The following TIRAP variants were observed in gnomAD, a reference collection of about 807,000 sequenced individuals.
TIRAP encodes the protein TIR domain containing adaptor protein, also known as toll/interleukin-1 receptor domain-containing adapter protein.
Under a neutral mutation model 19.8 loss-of-function variants are expected in TIRAP, and 20 were observed. The ratio of observed to expected loss-of-function variants is 1.01; its 90% confidence interval spans 0.71 to 1.47. The LOEUF (loss-of-function observed/expected upper bound fraction) is 1.47, where lower values mean the gene tolerates loss of function less well. TIRAP is among the 40% of genes most tolerant of loss of function. TIRAP has a pLI of 0.00. For missense variants in TIRAP, 276 were observed against 285.1 expected (o/e 0.97, Z 0.23); for synonymous variants, 125 against 121.7 (o/e 1.03, Z -0.18).
At chr11:126,284,583 C>T (rs1455737353) in intron 1 of TIRAP, among the ~76,000 whole-genome samples, 2 of 152,026 alleles carry the variant, frequency 1.3e-5, no homozygotes, top group Admixed American at 6.6e-5. Flanking sequence ...AGGCGGGGAA[C>T]AGTGGCTCAC....
intron 1 of TIRAP, among the ~76,000 whole-genome samples, chr11:126,286,644 T>C (rs1951325776): frequency 1.3e-5 from 2 of 152,234 alleles, no homozygotes; most frequent in Admixed American, 6.5e-5. Flanking sequence ...GGTAATTTAT[T>C]TATTTAAAGA....
In TIRAP at chr11:126,293,190, C is replaced by T. The variant is rs1040846315; in HGVS notation, c.646+135C>T. The T allele has an allele frequency of 3.3e-6, 5 of 1,500,440 alleles. No individual in the cohort carries two copies. In the African/African-American group the frequency reaches 6.9e-5, roughly 21 times the overall value. 92.9% of individuals were successfully genotyped at this position (1,500,440 alleles called of 1,614,324 possible). A position where few individuals can be genotyped will look rare whatever the true frequency, so the allele number is the denominator to read the frequency against. On this transcript the variant is annotated intron_variant, in intron 4 of 4. Transcript: ENST00000392679. Reference sequence around the variant, plus strand: ...GGAAAAGGCTGTCGGGGTTTGTATCCTGGCTCCTGCACTTATTAACCCATA... The same window carrying T: ...GGAAAAGGCTGTCGGGGTTTGTATCTTGGCTCCTGCACTTATTAACCCATA...
In TIRAP at chr11:126,294,862, G is replaced by A. The variant is rs1413206037; in HGVS notation, c.*1175G>A. On this transcript the variant is annotated 3_prime_UTR_variant, in exon 5 of 5. Coordinates refer to ENST00000392679, the MANE Select transcript of TIRAP (RefSeq NM_001318777.2). ...TGTAATCTCAGCACTTTGGGAGGCC[G>A]AGGCAGGTGGATCACCTGAGGTCAG... 1.3e-5 allele frequency: 3 copies of A among 230,746 alleles called. No homozygotes were observed. The highest frequency in any genetic ancestry group is 5.0e-5 in the South Asian group (1 of 19,926). 14.3% of individuals were successfully genotyped at this position (230,746 alleles called of 1,614,324 possible).
At chr11:126,285,445 A>G (rs8177356) in intron 1 of TIRAP, among the ~76,000 whole-genome samples, 16,673 of 150,972 alleles carry the variant, frequency 0.11, 1,211 homozygotes, top group Non-Finnish European at 0.16. Context: ...TATTTTTAGT[A>G]GAGATGGGGT....
rs755084660 is a variant in TIRAP at position 126,292,781 on chromosome 11, C to G, written c.372C>G (p.Thr124=). ...GCTTCCTGCAACTCCGGGATGCAACCCCAGGCGGCGCTATAGTGTCCGAGC... is the reference window on the plus strand; with the variant it reads ...GCTTCCTGCAACTCCGGGATGCAACGCCAGGCGGCGCTATAGTGTCCGAGC... ...LRCFLQLRDA[T]PGGAIVSELC... Residue 124 remains threonine (T), a synonymous_variant, in exon 4 of 5, where the codon ACC becomes ACG. Coordinates refer to ENST00000392679, the MANE Select transcript of TIRAP (RefSeq NM_001318777.2). 6.8e-6 allele frequency: 11 copies of G among 1,613,096 alleles called. No homozygotes were observed. In the Middle Eastern group the frequency reaches 6.6e-4, roughly 97 times the overall value.
At position 126,292,870 on chromosome 11, in the gene TIRAP, A is replaced by G. The variant is rs1951420036; in HGVS notation, c.461A>G (p.Asp154Gly). 1 of 1,613,090 alleles carries G rather than the reference A, an allele frequency of 6.2e-7. No individual in the cohort carries two copies. Among genetic ancestry groups the G allele is most frequent in the African/African-American group, 1.3e-5 (1 of 74,832 alleles). Residue 154 changes from aspartate (D) to glycine (G), a missense_variant, in exon 4 of 5, where the codon GAC (aspartate) becomes GGC (glycine). Coordinates refer to ENST00000392679, the MANE Select transcript of TIRAP (RefSeq NM_001318777.2). ...CTCATCACGCCGGGCTTCCTTCAGGACCCCTGGTGCAAGTACCAGATGCTG... is the reference window on the plus strand; with the variant it reads ...CTCATCACGCCGGGCTTCCTTCAGGGCCCCTGGTGCAAGTACCAGATGCTG... ...VLLITPGFLQ[D>G]PWCKYQMLQA...
chr11:126,290,429 C>T lies in TIRAP; in HGVS notation c.-216-33C>T. Reference sequence around the variant, plus strand: ...CTATCTGGATACATAATTATTTGTCCAAATAGCAACTGTCCTTCTTCTGCC... The same window carrying T: ...CTATCTGGATACATAATTATTTGTCTAAATAGCAACTGTCCTTCTTCTGCC... On this transcript the variant is annotated intron_variant, in intron 1 of 4. Transcript: ENST00000392679. This position sits in a 1 kb window ranked among gnomAD's most constrained non-coding sequence, Gnocchi z 4.9. 1 of 988,958 alleles carries T rather than the reference C, an allele frequency of 1.0e-6. No homozygotes were observed. Among genetic ancestry groups the T allele is most frequent in the South Asian group, 4.6e-5 (1 of 21,596 alleles). The allele number at this position is 988,958 out of a possible 1,614,324, so 61.3% of individuals were successfully genotyped here. A position where few individuals can be genotyped will look rare whatever the true frequency, so the allele number is the denominator to read the frequency against.
In TIRAP at chr11:126,294,715, C is replaced by A; in HGVS notation, c.*1028C>A. The A allele has an allele frequency of 3.1e-6, 1 of 323,614 alleles. No individual in the cohort carries two copies. Among genetic ancestry groups the A allele is most frequent in the Non-Finnish European group, 6.2e-6 (1 of 161,842 alleles). 20.0% of individuals were successfully genotyped at this position (323,614 alleles called of 1,614,324 possible). A position where few individuals can be genotyped will look rare whatever the true frequency, so the allele number is the denominator to read the frequency against. On this transcript the variant is annotated 3_prime_UTR_variant, in exon 5 of 5. Coordinates refer to ENST00000392679, the MANE Select transcript of TIRAP (RefSeq NM_001318777.2). ...ACTTTTGTGCCCCCCTCTCACTTCT[C>A]CCTATCATGACCCCTCTTTTGCTGA...
At chr11:126,293,308 T>C (rs1951431527) in intron 4 of TIRAP, 1 of 739,428 alleles carries the variant, frequency 1.4e-6, no homozygotes, top group Middle Eastern at 2.3e-4. Context: ...GAACAGTATA[T>C]ACACGAAGGG....
At chr11:126,293,285 T>C in intron 4 of TIRAP, 2 of 779,170 alleles carry the variant, frequency 2.6e-6, no homozygotes, top group Non-Finnish European at 2.2e-6. Flanking sequence ...AGGTTTCCAT[T>C]GCTATGAAAT....
chr11:126,286,031 G>GT (rs1951317982), intron 1 of TIRAP, among the ~76,000 whole-genome samples: 1 of 142,834 alleles, frequency 7.0e-6, no homozygotes, highest in African/African-American at 2.6e-5. Context: ...TCCAGCCTGG[G>GT]TGACAGAGCA....
Position 126,291,054 on chromosome 11 carries a change from CAG to C in TIRAP, c.67+99_67+100del. 1.4e-6 allele frequency: 2 copies of C among 1,425,614 alleles called. No individual in the cohort carries two copies. Among genetic ancestry groups the C allele is most frequent in the Non-Finnish European group, 1.9e-6 (2 of 1,060,314 alleles). The allele number at this position is 1,425,614 out of a possible 1,614,324, so 88.3% of individuals were successfully genotyped here. A position where few individuals can be genotyped will look rare whatever the true frequency, so the allele number is the denominator to read the frequency against. On this transcript the variant is annotated intron_variant, in intron 3 of 4. Coordinates refer to ENST00000392679, the MANE Select transcript of TIRAP (RefSeq NM_001318777.2). This position sits in a 1 kb window ranked among gnomAD's most constrained non-coding sequence, Gnocchi z 5.6. ...GTGGGAGGCCTGCCTGGTCCAAACT[CAG>C]AGAGACGCAGGAAGGCTGACGTGGG...
chr11:126,285,115 C>T (rs1289482454), intron 1 of TIRAP, among the ~76,000 whole-genome samples: 3 of 151,744 alleles, frequency 2.0e-5, no homozygotes, highest in Non-Finnish European at 2.9e-5. Flanking sequence ...GTCTATTGCT[C>T]ATTTGAATAT....
At chr11:126,293,129 C>T in intron 4 of TIRAP, 74 bp downstream of exon 4, 1 of 1,604,690 alleles carries the variant, frequency 6.2e-7, no homozygotes, top group Non-Finnish European at 8.5e-7. Context: ...TTTTAGGAGA[C>T]AGCCCTGTAG....
Position 126,290,997 on chromosome 11 carries a change from C to A in TIRAP, c.67+36C>A. The A allele has an allele frequency of 6.3e-7, 1 of 1,585,168 alleles. No homozygotes were observed. Among genetic ancestry groups the A allele is most frequent in the Non-Finnish European group, 8.6e-7 (1 of 1,164,334 alleles). On this transcript the variant is annotated intron_variant, in intron 3 of 4. Transcript: ENST00000392679. This position sits in a 1 kb window ranked among gnomAD's most constrained non-coding sequence, Gnocchi z 4.9. ...CCGGACTCGCGACTCTGCTGTGTTC[C>A]TGAGTGTAGTGCTCAGCCTCCATAG...
chr11:126,289,284 A>AT (rs576655628), intron 1 of TIRAP, among the ~76,000 whole-genome samples: 95 of 152,166 alleles, frequency 6.2e-4, no homozygotes, highest in African/African-American at 2.1e-3. Context: ...ACATTCTTTA[A>AT]TTTTTTTTAT....
In TIRAP at chr11:126,283,337, G is replaced by A. The variant is rs1044915914; in HGVS notation, c.-217+184G>A. ...ATCCGCTTCCCTTCTTCACCTTTCT[G>A]GCACCCGCAACACGCAAGCGGCATG... On this transcript the variant is annotated intron_variant, in intron 1 of 4. Transcript: ENST00000392679. Among the ~76,000 whole-genome samples the A allele has an allele frequency of 3.9e-5, 6 of 152,102 alleles. 1 individual carries two copies. The South Asian group carries it at 1.0e-3, about 26-fold the overall frequency.
Position 126,293,935 on chromosome 11 carries a change from A to C in TIRAP, c.*248A>C. 2 of 554,988 alleles carry C rather than the reference A, an allele frequency of 3.6e-6. No individual in the cohort carries two copies. The highest frequency in any genetic ancestry group is 2.1e-5 in the South Asian group (1 of 48,422). 34.4% of individuals were successfully genotyped at this position (554,988 alleles called of 1,614,324 possible). A position where few individuals can be genotyped will look rare whatever the true frequency, so the allele number is the denominator to read the frequency against. The stretch of plus-strand genomic sequence containing the variant: ...GGGGATTCCCCCTAGGAAAGCCATG[A>C]GGAAGCTGGGGACTCCCCAAGAAGG... On this transcript the variant is annotated 3_prime_UTR_variant, in exon 5 of 5. Transcript: ENST00000392679.
chr11:126,294,914 G>C lies in TIRAP; in HGVS notation c.*1227G>C, dbSNP rs960557731. 8 of 173,854 alleles carry C rather than the reference G, an allele frequency of 4.6e-5. No homozygotes were observed. The East Asian group carries it at 1.3e-3, about 28-fold the overall frequency. The allele number at this position is 173,854 out of a possible 1,614,324, so 10.8% of individuals were successfully genotyped here. Reference sequence around the variant, plus strand: ...AGTTCAAGACTAGCCTGGCCAATATGGTGAAACCCTGTCTCTACTAAAAAA... The same window carrying C: ...AGTTCAAGACTAGCCTGGCCAATATCGTGAAACCCTGTCTCTACTAAAAAA... On this transcript the variant is annotated 3_prime_UTR_variant, in exon 5 of 5. Transcript: ENST00000392679.
Sources: gnomAD v4.1 joint callset for allele counts (sites outside exome capture counted in the v4.1 genomes callset) on GRCh38, gnomAD v4.1.1 for gene constraint, Gnocchi (gnomAD v3.1) non-coding constraint, MANE v1.5 for transcripts, NCBI Gene and HGNC (gene_info 2026-07-23, HGNC 2026-07-21) for gene names.